USP32: variants seen among roughly 807,000 people sequenced by gnomAD.
USP32 encodes ubiquitin specific peptidase 32.
In USP32, 59 loss-of-function variants were observed where a neutral mutation model predicts 204.8. The ratio of observed to expected loss-of-function variants is 0.29; its 90% confidence interval spans 0.23 to 0.36. USP32 has a LOEUF of 0.36. USP32 is among the 10% of genes least tolerant of loss of function. USP32 has a pLI of 1.00. For synonymous variants in USP32, 517 were observed against 678.4 expected (o/e 0.76, Z 3.70); for missense variants, 1,160 against 1,946.4 (o/e 0.60, Z 7.60).
chr17:60,318,040 T>A (rs1265019313), intron 2 of USP32, among the ~76,000 whole-genome samples: 2 of 152,170 alleles, frequency 1.3e-5, no homozygotes. Context: ...TTGTTATTGA[T>A]CATGACTGTT....
At chr17:60,402,802 C>T (rs1406987697) in intron 1 of USP32, among the ~76,000 whole-genome samples, 1 of 152,174 alleles carries the variant, frequency 6.6e-6, no homozygotes, top group African/African-American at 2.4e-5. Flanking sequence ...CTGCAGTGGC[C>T]TGAAAGCTAG....
intron 2 of USP32, among the ~76,000 whole-genome samples, chr17:60,325,505 A>G (rs2088211892): frequency 6.6e-6 from 1 of 152,258 alleles, no homozygotes; most frequent in South Asian, 2.1e-4. Flanking sequence ...AATATTGTAA[A>G]TAACACTGAT....
At chr17:60,373,900 T>A (rs2089492201) in intron 1 of USP32, among the ~76,000 whole-genome samples, 1 of 152,242 alleles carries the variant, frequency 6.6e-6, no homozygotes, top group African/African-American at 2.4e-5. Flanking sequence ...ATGTTTTATT[T>A]TCCTTTTTAA....
intron 2 of USP32, among the ~76,000 whole-genome samples, chr17:60,311,971 G>C (rs2087866061): frequency 6.6e-6 from 1 of 152,196 alleles, no homozygotes; most frequent in South Asian, 2.1e-4. Context: ...GTTCCTTAGG[G>C]GAAATAGTTA....
intron 4 of USP32, among the ~76,000 whole-genome samples, chr17:60,290,732 C>T (rs1010517779): frequency 1.3e-5 from 2 of 151,782 alleles, no homozygotes; most frequent in African/African-American, 4.8e-5. Context: ...TGCTAGATAG[C>T]CTCAGGATGG....
Position 60,179,400 on chromosome 17 carries a change from T to A in USP32, c.4670A>T (p.Asp1557Val). 1 of 1,612,442 alleles carries A rather than the reference T, an allele frequency of 6.2e-7. No homozygotes were observed. The part of the protein sequence containing the change: ...KELHPDEIDT[D>V]SAYILFYEQQ... ...CTCATAGAAAAGAATGTAGGCAGAG[T>A]CGGTGTCAATTTCATCCGGGTGAAG... Residue 1557 changes from aspartate (D) to valine (V), a missense_variant, in exon 34 of 34, where the codon GAC (aspartate) becomes GTC (valine). Physicochemically the swap from Asp to Val is radical, Grantham distance 152. Around this residue, in one of 8 missense-constraint regions of USP32, gnomAD observed 244 missense variants for 342.3 expected, o/e 0.71. Coordinates refer to ENST00000300896, the MANE Select transcript of USP32 (RefSeq NM_032582.4).
intron 27 of USP32, among the ~76,000 whole-genome samples, chr17:60,194,376 C>A (rs1472936079): frequency 1.3e-5 from 2 of 152,168 alleles, no homozygotes; most frequent in African/African-American, 4.8e-5. Context: ...CGTTCCAGAA[C>A]CTGGAGGTAA....
intron 2 of USP32, among the ~76,000 whole-genome samples, chr17:60,343,838 C>T (rs146922159): frequency 5.9e-5 from 9 of 152,242 alleles, no homozygotes; most frequent in African/African-American, 1.9e-4. Context: ...TCAAGACCAG[C>T]CTGGCCAACA....
chr17:60,198,274 A>G lies in USP32; in HGVS notation c.3420T>C (p.Asn1140=), dbSNP rs534273742. 4 of 1,614,140 alleles carry G rather than the reference A, an allele frequency of 2.5e-6. No homozygotes were observed. The South Asian group carries it at 3.3e-5, about 13-fold the overall frequency. The stretch of plus-strand genomic sequence containing the variant: ...CCTGAACTCACCAATCCTGGGCATG[A>G]TTACTAGCTTCCTGAGGTGGGAGTG... The part of the protein sequence containing the change: ...ASPLPPQEAS[N]HAQDCDDSMG... The change falls in exon 27 of 34, where the codon AAT becomes AAC. Residue 1140 remains asparagine (N), a synonymous_variant. Coordinates refer to ENST00000300896, the MANE Select transcript of USP32 (RefSeq NM_032582.4).
chr17:60,269,626 A>G (rs968406064), intron 6 of USP32, 69 bp from the exon 7 acceptor site: 13 of 1,320,968 alleles, frequency 9.8e-6, no homozygotes, highest in African/African-American at 6.0e-5. Context: ...CATGTTTACA[A>G]AAGGAGGAAT....
intron 9 of USP32, among the ~76,000 whole-genome samples, chr17:60,262,639 AG>A (rs767254005): frequency 1.3e-5 from 2 of 152,166 alleles, no homozygotes; most frequent in Non-Finnish European, 2.9e-5. Context: ...TTTGTACCCA[AG>A]GCCCTTCAAG....
chr17:60,369,794 G>A (rs998437222), intron 1 of USP32, among the ~76,000 whole-genome samples: 1 of 151,574 alleles, frequency 6.6e-6, no homozygotes, highest in Non-Finnish European at 1.5e-5. Flanking sequence ...CCAGGCTGGA[G>A]TGCAGTAATC....
intron 12 of USP32, among the ~76,000 whole-genome samples, 162 bp downstream of exon 12, chr17:60,235,976 T>C (rs2085713625): frequency 1.3e-5 from 2 of 152,206 alleles, no homozygotes; most frequent in East Asian, 3.8e-4. Flanking sequence ...GCCTAGACCA[T>C]AGCAAGTATC....
rs991661954 is a variant in USP32 at position 60,178,510 on chromosome 17, T to C, written c.*745A>G. 2.6e-5 allele frequency among the ~76,000 whole-genome samples: 4 copies of C among 152,162 alleles called. No individual in the cohort carries two copies. Among genetic ancestry groups the C allele is most frequent in the African/African-American group, 7.2e-5 (3 of 41,438 alleles). On this transcript the variant is annotated 3_prime_UTR_variant, in exon 34 of 34. Transcript: ENST00000300896. Reference sequence around the variant, plus strand: ...TAAGATGCCTCCACTGGGAGGGCCATGGTAGCTGGATTTCCCAGGATGCTG... The same window carrying C: ...TAAGATGCCTCCACTGGGAGGGCCACGGTAGCTGGATTTCCCAGGATGCTG...
At chr17:60,325,866 T>G (rs1168585022) in intron 2 of USP32, among the ~76,000 whole-genome samples, 1 of 151,622 alleles carries the variant, frequency 6.6e-6, no homozygotes, top group Admixed American at 6.6e-5. Flanking sequence ...GAGGCAGAAG[T>G]TGCAGTGAGT....
chr17:60,269,967 C>T (rs941614743), intron 6 of USP32, among the ~76,000 whole-genome samples: 3 of 152,036 alleles, frequency 2.0e-5, no homozygotes, highest in Non-Finnish European at 2.9e-5. Context: ...AATGAATACT[C>T]GAAGATACAC....
intron 1 of USP32, among the ~76,000 whole-genome samples, chr17:60,402,834 T>C (rs537105710): frequency 1.3e-5 from 2 of 152,256 alleles, no homozygotes; most frequent in South Asian, 2.1e-4. Context: ...CTCTGAAGGC[T>C]TTCTCACTCA....
At position 60,265,311 on chromosome 17, in the gene USP32, G is replaced by C. The variant is rs1195005087; in HGVS notation, c.990+101C>G. On this transcript the variant is annotated intron_variant, in intron 9 of 33. Transcript: ENST00000300896. ...ACAGGTCCAGATAAGTACTTGGTAG[G>C]GAGGATGCCAAAGAGATTCAAGCAT... The C allele has an allele frequency of 5.3e-6, 4 of 748,114 alleles. No homozygotes were observed. In the African/African-American group the frequency reaches 7.2e-5, roughly 13 times the overall value. 46.3% of individuals were successfully genotyped at this position (748,114 alleles called of 1,614,324 possible).
chr17:60,360,926 C>A (rs2089193836), intron 1 of USP32, among the ~76,000 whole-genome samples: 1 of 151,770 alleles, frequency 6.6e-6, no homozygotes, highest in Admixed American at 6.6e-5. Context: ...GTCAGGAGTT[C>A]GAGACCAGCC....
Sources: allele counts gnomAD v4.1 joint callset (sites outside exome capture counted in the v4.1 genomes callset), GRCh38; gene constraint gnomAD v4.1.1; regional missense constraint gnomAD v4.1.1; transcripts MANE v1.5; gene names NCBI Gene and HGNC (gene_info 2026-07-23, HGNC 2026-07-21).